The following NUS1 variants were observed in gnomAD, a reference collection of about 807,000 sequenced individuals.
NUS1 encodes the protein NUS1 dehydrodolichyl diphosphate synthase subunit.
For synonymous variants in NUS1, 135 were observed against 155.2 expected (o/e 0.87, Z 0.97); for missense variants, 292 against 382.9 (o/e 0.76, Z 1.98).
At chr6:117,700,869 A>G (rs1231282311) in intron 3 of NUS1, among the ~76,000 whole-genome samples, 1 of 152,104 alleles carries the variant, frequency 6.6e-6, no homozygotes, top group Non-Finnish European at 1.5e-5. Flanking sequence ...GACAAACATC[A>G]CATGTTCTCA....
chr6:117,701,320 C>G (rs1380874061), intron 3 of NUS1, among the ~76,000 whole-genome samples: 1 of 149,972 alleles, frequency 6.7e-6, no homozygotes, highest in Admixed American at 6.7e-5. Flanking sequence ...TCTCAGCTCA[C>G]TGCAGACTCT....
In NUS1 at chr6:117,675,648, G is replaced by C. The variant is rs1168120113; in HGVS notation, c.-23G>C. On this transcript the variant is annotated 5_prime_UTR_variant, in exon 1 of 5. Transcript: ENST00000368494. ...TGCGGGAGTGGGCGGGAGGGAGAGG[G>C]GGTGTCTGAGGGCCACAAGAGTATG... The C allele has an allele frequency of 1.4e-6, 2 of 1,387,032 alleles. No individual in the cohort carries two copies. Among genetic ancestry groups the C allele is most frequent in the Admixed American group, 1.9e-5 (1 of 51,900 alleles). The allele number at this position is 1,387,032 out of a possible 1,614,324, so 85.9% of individuals were successfully genotyped here.
At position 117,675,789 on chromosome 6, in the gene NUS1, G is replaced by A. The variant is rs759672395; in HGVS notation, c.119G>A (p.Cys40Tyr). 1.6e-5 allele frequency: 25 copies of A among 1,561,364 alleles called. No homozygotes were observed. In the South Asian group the frequency reaches 1.8e-4, roughly 11 times the overall value. ...FGTWNWIWRR[C>Y]CRAASAAVLA... ...ACCTGGAACTGGATCTGGCGGCGCTGCTGCCGCGCCGCCTCTGCCGCGGTC... is the reference window on the plus strand; with the variant it reads ...ACCTGGAACTGGATCTGGCGGCGCTACTGCCGCGCCGCCTCTGCCGCGGTC... Residue 40 changes from cysteine (C) to tyrosine (Y), a missense_variant, in exon 1 of 5, where the codon TGC (cysteine) becomes TAC (tyrosine). Physicochemically the swap from Cys to Tyr is radical, Grantham distance 194. Transcript: ENST00000368494.
At chr6:117,701,505 A>C (rs1773410289) in intron 3 of NUS1, among the ~76,000 whole-genome samples, 1 of 152,008 alleles carries the variant, frequency 6.6e-6, no homozygotes, top group South Asian at 2.1e-4. Context: ...CGGCCTCCCA[A>C]AGTGCTGGGA....
intron 1 of NUS1, among the ~76,000 whole-genome samples, chr6:117,685,337 G>A (rs1055167582): frequency 2.0e-5 from 3 of 151,382 alleles, no homozygotes; most frequent in African/African-American, 4.8e-5. Flanking sequence ...AGATTTTCTC[G>A]TGTGTGTTTT....
chr6:117,690,416 T>C (rs907302200), intron 1 of NUS1, among the ~76,000 whole-genome samples: 3 of 152,174 alleles, frequency 2.0e-5, no homozygotes, highest in African/African-American at 7.2e-5. Flanking sequence ...GACTCCCAAG[T>C]GTATATATAT....
At chr6:117,676,472 G>A (rs1264029649) in intron 1 of NUS1, among the ~76,000 whole-genome samples, 3 of 152,182 alleles carry the variant, frequency 2.0e-5, no homozygotes, top group Non-Finnish European at 4.4e-5. Flanking sequence ...CAGCTACTAG[G>A]GAGGCTGAGG....
intron 1 of NUS1, among the ~76,000 whole-genome samples, chr6:117,678,555 A>T (rs1301718422): frequency 6.6e-6 from 1 of 152,218 alleles, no homozygotes; most frequent in East Asian, 1.9e-4. Flanking sequence ...ACAGTTTTAA[A>T]TAGGGAGGCC....
chr6:117,685,469 C>A (rs1471875179), intron 1 of NUS1, among the ~76,000 whole-genome samples: 1 of 151,794 alleles, frequency 6.6e-6, no homozygotes, highest in Non-Finnish European at 1.5e-5. Flanking sequence ...GCCTTGAACT[C>A]CTGGGCAGCC....
At chr6:117,706,808 GT>G in intron 4 of NUS1, 116 bp from the exon 5 acceptor site, 1 of 761,174 alleles carries the variant, frequency 1.3e-6, no homozygotes, top group South Asian at 1.5e-5. Context: ...GTGCTGTCTG[GT>G]GGAGGATAAT....
intron 1 of NUS1, among the ~76,000 whole-genome samples, chr6:117,685,610 C>T (rs1211509426): frequency 1.3e-5 from 2 of 152,092 alleles, no homozygotes; most frequent in African/African-American, 2.4e-5. Context: ...TCTCAGCCTC[C>T]CAAAGTGTTT....
intron 3 of NUS1, among the ~76,000 whole-genome samples, chr6:117,695,514 A>G (rs1193358078): frequency 6.6e-6 from 1 of 152,208 alleles, no homozygotes; most frequent in Non-Finnish European, 1.5e-5. Context: ...TCATAAGGAC[A>G]TTCTAAAAGT....
chr6:117,691,558 G>GATATAGATATATAT lies in NUS1; in HGVS notation c.416-1479_416-1478insGATATATATATATA, dbSNP rs1554201816. ...CAGCAGGTTCTGTGCCATAGATATA[G>GATATAGATATATAT]ATATATATATATATATATATATATA... On this transcript the variant is annotated intron_variant, in intron 1 of 4. Coordinates refer to ENST00000368494, the MANE Select transcript of NUS1 (RefSeq NM_138459.5). Among the ~76,000 whole-genome samples, 45 of 136,948 alleles carry GATATAGATATATAT rather than the reference G, an allele frequency of 3.3e-4. 1 individual carries two copies. The highest frequency in any genetic ancestry group is 2.7e-3 in the Admixed American group (36 of 13,522). 89.8% of individuals were successfully genotyped at this position (136,948 alleles called of 152,430 possible). A position where few individuals can be genotyped will look rare whatever the true frequency, so the allele number is the denominator to read the frequency against.
intron 1 of NUS1, among the ~76,000 whole-genome samples, chr6:117,678,639 T>C (rs1321176033): frequency 6.6e-6 from 1 of 151,692 alleles, no homozygotes; most frequent in Non-Finnish European, 1.5e-5. Context: ...AGAGGGAGTA[T>C]AGACATGTAA....
At chr6:117,682,979 C>G (rs567769145) in intron 1 of NUS1, among the ~76,000 whole-genome samples, 10 of 152,164 alleles carry the variant, frequency 6.6e-5, no homozygotes, top group Non-Finnish European at 1.0e-4. Flanking sequence ...CTTCATCCCA[C>G]TAGTGTACAT....
At position 117,683,235 on chromosome 6, in the gene NUS1, A is replaced by G. The variant is rs184146090; in HGVS notation, c.415+7150A>G. On this transcript the variant is annotated intron_variant, in intron 1 of 4. Coordinates refer to ENST00000368494, the MANE Select transcript of NUS1 (RefSeq NM_138459.5). ...TCATTTTGTTATATACTTTGTCACCATTACACATACCTGTTCTCTTACTAC... is the reference window on the plus strand; with the variant it reads ...TCATTTTGTTATATACTTTGTCACCGTTACACATACCTGTTCTCTTACTAC... Among the ~76,000 whole-genome samples, 588 of 152,308 alleles carry G rather than the reference A, an allele frequency of 3.9e-3. 1 individual carries two copies. Among genetic ancestry groups the G allele is most frequent in the Middle Eastern group, 6.8e-3 (2 of 294 alleles).
In NUS1 at chr6:117,675,547, G is replaced by A. The variant is rs1772956319; in HGVS notation, c.-124G>A. 3 of 1,021,898 alleles carry A rather than the reference G, an allele frequency of 2.9e-6. No individual in the cohort carries two copies. Among genetic ancestry groups the A allele is most frequent in the South Asian group, 1.5e-5 (1 of 64,730 alleles). The allele number at this position is 1,021,898 out of a possible 1,614,324, so 63.3% of individuals were successfully genotyped here. ...GGTGAGGTGTTGGCAGTGGAAAGGG[G>A]TTCGGGCTCGGGGGGCGGGGGGACG... On this transcript the variant is annotated 5_prime_UTR_variant, in exon 1 of 5. Coordinates refer to ENST00000368494, the MANE Select transcript of NUS1 (RefSeq NM_138459.5).
intron 1 of NUS1, among the ~76,000 whole-genome samples, chr6:117,689,332 CA>C (rs1773182477): frequency 6.6e-6 from 1 of 152,074 alleles, no homozygotes; most frequent in South Asian, 2.1e-4. Context: ...TAAATATGAA[CA>C]AACTGGTGAG....
chr6:117,706,793 T>C (rs1773507286), intron 4 of NUS1, 132 bp from the exon 5 acceptor site: 2 of 686,498 alleles, frequency 2.9e-6, no homozygotes, highest in Non-Finnish European at 2.6e-6. Flanking sequence ...TCCGTGCCTG[T>C]CATGGTGCTG....
Sources: gnomAD v4.1 joint callset for allele counts (sites outside exome capture counted in the v4.1 genomes callset) on GRCh38, gnomAD v4.1.1 for gene constraint, MANE v1.5 for transcripts, NCBI Gene and HGNC (gene_info 2026-07-23, HGNC 2026-07-21) for gene names.